ERC2: variants seen among roughly 807,000 people sequenced by gnomAD.
The protein encoded by ERC2 is ERC protein 2.
Under a neutral mutation model 114.8 loss-of-function variants are expected in ERC2, and 42 were observed. That is an observed-to-expected ratio of 0.37 (90% confidence interval 0.29 to 0.47). The LOEUF is 0.47. Ranked by LOEUF, ERC2 falls within the 20% of genes least tolerant of loss-of-function variation. The pLI, the probability that ERC2 is intolerant of heterozygous loss-of-function variation, is 0.99. For synonymous variants in ERC2, 454 were observed against 425.5 expected, an observed-to-expected ratio of 1.07 and a Z score of -0.82; for missense variants, 939 against 1,150.7, an observed-to-expected ratio of 0.82 and a Z score of 2.66.
chr3:55,578,824 G>T (rs2057115312), intron 17 of ERC2, among the ~76,000 whole-genome samples: 1 of 152,082 alleles, frequency 6.6e-6, no homozygotes, highest in African/African-American at 2.4e-5. Context: ...GCTGTGACCT[G>T]GTCTAGGGTG....
intron 14 of ERC2, among the ~76,000 whole-genome samples, chr3:55,870,223 C>T (rs901208753): frequency 2.2e-4 from 33 of 152,116 alleles, no homozygotes; most frequent in African/African-American, 6.7e-4. Flanking sequence ...CACAGACGCC[C>T]GTCACCACGC....
chr3:56,421,148 G>A (rs2061374835), intron 2 of ERC2, among the ~76,000 whole-genome samples: 1 of 152,204 alleles, frequency 6.6e-6, no homozygotes, highest in Non-Finnish European at 1.5e-5. Context: ...TACTGAAGTT[G>A]TTATTGAAAT....
intron 3 of ERC2, among the ~76,000 whole-genome samples, chr3:56,232,310 A>G (rs545309574): frequency 7.2e-5 from 11 of 151,978 alleles, no homozygotes; most frequent in Non-Finnish European, 1.2e-4. Context: ...CAAAATAAGA[A>G]ACAAAAATCC....
At chr3:55,947,714 CAGT>C (rs992803308) in intron 13 of ERC2, among the ~76,000 whole-genome samples, 32 of 152,124 alleles carry the variant, frequency 2.1e-4, no homozygotes, top group African/African-American at 7.2e-4. Context: ...GCAGCTGGGC[CAGT>C]TAGTCAACCT....
intron 7 of ERC2, among the ~76,000 whole-genome samples, chr3:56,079,565 G>C (rs1245348714): frequency 1.3e-5 from 2 of 152,122 alleles, no homozygotes; most frequent in African/African-American, 4.8e-5. Context: ...GCCTTCCACT[G>C]TTACTCTGAG....
intron 12 of ERC2, among the ~76,000 whole-genome samples, chr3:55,968,747 G>C (rs1214920381): frequency 1.3e-5 from 2 of 152,160 alleles, no homozygotes; most frequent in African/African-American, 4.8e-5. Flanking sequence ...AATAATGAGA[G>C]ATATGTGCTA....
rs145182033 is a variant in ERC2 at position 55,753,638 on chromosome 3, C to T, written c.2565-18720G>A. ...TCAAGTTGGTGTAAAATCACCAGTC[C>T]GAATGGCTAATGGGAATTTCACTGG... is the stretch of plus-strand genomic sequence containing the variant. On this transcript the variant is annotated intron_variant, in intron 14 of 17. Coordinates refer to ENST00000288221, the MANE Select transcript of ERC2 (RefSeq NM_015576.3). 5.4e-4 allele frequency among the ~76,000 whole-genome samples: 82 copies of T among 152,256 alleles called. 1 individual carries two copies. The East Asian group carries it at 0.014, about 27-fold the overall frequency.
chr3:56,418,662 T>C (rs1263534919), intron 2 of ERC2, among the ~76,000 whole-genome samples: 1 of 152,254 alleles, frequency 6.6e-6, no homozygotes. Context: ...AGGGAAGTAC[T>C]TTACAAACCA....
At chr3:55,769,912 G>C (rs1451270280) in intron 14 of ERC2, among the ~76,000 whole-genome samples, 2 of 152,144 alleles carry the variant, frequency 1.3e-5, no homozygotes, top group African/African-American at 4.8e-5. Flanking sequence ...ACAATTATTT[G>C]CTCCCTGCTT....
intron 14 of ERC2, among the ~76,000 whole-genome samples, chr3:55,763,861 C>T (rs1017086833): frequency 2.4e-4 from 36 of 152,010 alleles, no homozygotes; most frequent in Admixed American, 3.9e-4. Flanking sequence ...ATGGATTTTC[C>T]CTATATAATA....
intron 17 of ERC2, among the ~76,000 whole-genome samples, chr3:55,671,457 G>A (rs2061555929): frequency 6.6e-6 from 1 of 152,082 alleles, no homozygotes; most frequent in Admixed American, 6.5e-5. Flanking sequence ...CCCTAACTTG[G>A]GACAGTGGTG....
intron 3 of ERC2, among the ~76,000 whole-genome samples, chr3:56,247,166 A>G (rs988058294): frequency 6.6e-6 from 1 of 152,246 alleles, no homozygotes; most frequent in Non-Finnish European, 1.5e-5. Flanking sequence ...CCCAGCTACA[A>G]CATGACATTA....
chr3:55,818,506 T>C (rs1382969920), intron 14 of ERC2, among the ~76,000 whole-genome samples: 1 of 152,236 alleles, frequency 6.6e-6, no homozygotes, highest in Non-Finnish European at 1.5e-5. Context: ...TAAGAATGTT[T>C]CTTCTTTCAA....
intron 12 of ERC2, among the ~76,000 whole-genome samples, chr3:55,977,233 A>T (rs1005366057): frequency 1.3e-5 from 2 of 152,224 alleles, no homozygotes; most frequent in Admixed American, 6.5e-5. Context: ...TGTAGTGTGG[A>T]AGGGGCTTCT....
At chr3:55,749,632 T>C (rs921892551) in intron 14 of ERC2, among the ~76,000 whole-genome samples, 1 of 152,122 alleles carries the variant, frequency 6.6e-6, no homozygotes, top group Non-Finnish European at 1.5e-5. Context: ...ATCAGCAGGA[T>C]TCTAAAAGTA....
At chr3:55,812,468 G>GTTCC (rs1158073810) in intron 14 of ERC2, among the ~76,000 whole-genome samples, 1 of 152,216 alleles carries the variant, frequency 6.6e-6, no homozygotes, top group Non-Finnish European at 1.5e-5. Context: ...TATCCATGAT[G>GTTCC]TTCCAGACAT....
chr3:55,810,292 CTGG>C (rs1371724613), intron 14 of ERC2, among the ~76,000 whole-genome samples: 5 of 152,046 alleles, frequency 3.3e-5, no homozygotes, highest in Non-Finnish European at 5.9e-5. Flanking sequence ...TTTTCAGACA[CTGG>C]TAAATATCCC....
intron 17 of ERC2, among the ~76,000 whole-genome samples, chr3:55,601,854 G>A (rs1042011263): frequency 6.6e-6 from 1 of 152,040 alleles, no homozygotes; most frequent in Admixed American, 6.6e-5. Context: ...ACAAATATTC[G>A]GGCCTCTGGA....
chr3:56,464,694 T>C (rs2063462796), intron 1 of ERC2, among the ~76,000 whole-genome samples: 2 of 152,162 alleles, frequency 1.3e-5, no homozygotes, highest in South Asian at 4.1e-4. Flanking sequence ...ATTTATGAGA[T>C]CTACATTACC....
Sources: gnomAD v4.1 joint callset for allele counts (sites outside exome capture counted in the v4.1 genomes callset) on GRCh38, gnomAD v4.1.1 for gene constraint, MANE v1.5 for transcripts, NCBI Gene and HGNC (gene_info 2026-07-23, HGNC 2026-07-21) for gene names.